KCNAB1: variants seen among roughly 807,000 people sequenced by gnomAD.
The protein encoded by KCNAB1 is potassium voltage-gated channel subfamily A regulatory beta subunit 1, also known as voltage-gated potassium channel subunit beta-1.
A neutral mutation model predicts 64.6 loss-of-function variants in KCNAB1; 35 were observed. That is an observed-to-expected ratio of 0.54 (90% confidence interval 0.41 to 0.72). The LOEUF (loss-of-function observed/expected upper bound fraction) is 0.72, where lower values mean the gene tolerates loss of function less well. Ranked by LOEUF, KCNAB1 falls within the 30% of genes least tolerant of loss-of-function variation. The pLI is 0.00. For synonymous variants in KCNAB1, 177 were observed against 183.8 expected (o/e 0.96, Z 0.30); for missense variants, 401 against 512.9 (o/e 0.78, Z 2.11).
Position 156,120,705 on chromosome 3 carries a change from G to C in KCNAB1, c.94G>C (p.Asp32His). 6.2e-7 allele frequency: 1 copy of C among 1,614,246 alleles called. No individual in the cohort carries two copies. Among genetic ancestry groups the C allele is most frequent in the East Asian group, 2.2e-5 (1 of 44,884 alleles). Reference protein sequence around the residue: ...RQSGFSVAGKDKSPKKASENA... With the variant: ...RQSGFSVAGKHKSPKKASENA... Reference sequence around the variant, plus strand: ...GTCTGGGTTTTCTGTAGCAGGGAAAGACAAATCTCCCAAGAAAGCCTCAGA... The same window carrying C: ...GTCTGGGTTTTCTGTAGCAGGGAAACACAAATCTCCCAAGAAAGCCTCAGA... Residue 32 changes from aspartate to histidine, a missense_variant, in exon 1 of 14, where the codon GAC (aspartate) becomes CAC (histidine). Asp to His is a moderately conservative substitution (Grantham distance 81). Transcript: ENST00000490337.
At chr3:156,221,779 C>T (rs944083660) in intron 1 of KCNAB1, among the ~76,000 whole-genome samples, 14 of 146,964 alleles carry the variant, frequency 9.5e-5, no homozygotes, top group Non-Finnish European at 1.7e-4. Flanking sequence ...ACTCCATCCC[C>T]CCCCGCCAAA....
intron 1 of KCNAB1, among the ~76,000 whole-genome samples, chr3:156,329,121 C>T (rs909268558): frequency 6.6e-6 from 1 of 152,096 alleles, no homozygotes; most frequent in Admixed American, 6.6e-5. Flanking sequence ...CTTGAGATCT[C>T]TAATATCTTC....
In KCNAB1 at chr3:156,452,658, G is replaced by A. The variant is rs1302691230; in HGVS notation, c.320-241G>A. Among the ~76,000 whole-genome samples the A allele has an allele frequency of 1.3e-5, 2 of 152,098 alleles. No homozygotes were observed. The highest frequency in any genetic ancestry group is 1.3e-4 in the Admixed American group (2 of 15,270). On this transcript the variant is annotated intron_variant, in intron 2 of 13. Transcript: ENST00000490337. The surrounding 1 kb of genome is among the most constrained non-coding windows in gnomAD (Gnocchi z 4.6). ...AGGGCTTCCAATAGTATGTACAGTG[G>A]CTTTCAGTAAAGAAACAGCAGCCCT...
At chr3:156,221,595 TG>T (rs1371564695) in intron 1 of KCNAB1, among the ~76,000 whole-genome samples, 1 of 152,022 alleles carries the variant, frequency 6.6e-6, no homozygotes, top group Non-Finnish European at 1.5e-5. Context: ...CTGGTCAACA[TG>T]GTGAAACCCT....
intron 1 of KCNAB1, among the ~76,000 whole-genome samples, chr3:156,323,163 C>T (rs1299208531): frequency 1.3e-5 from 2 of 152,064 alleles, no homozygotes; most frequent in Non-Finnish European, 2.9e-5. Flanking sequence ...AGATTGGGGG[C>T]TCACCTATGT....
At chr3:156,470,754 T>A (rs1713823864) in intron 7 of KCNAB1, among the ~76,000 whole-genome samples, 1 of 152,210 alleles carries the variant, frequency 6.6e-6, no homozygotes, top group South Asian at 2.1e-4. Flanking sequence ...AACTTTTTAA[T>A]TAATAACAAA....
chr3:156,238,607 A>C (rs959585973), intron 1 of KCNAB1, among the ~76,000 whole-genome samples: 1 of 152,190 alleles, frequency 6.6e-6, no homozygotes, highest in Non-Finnish European at 1.5e-5. Context: ...TTAGATTCAT[A>C]GCCTCTTTGT....
intron 1 of KCNAB1, among the ~76,000 whole-genome samples, chr3:156,253,583 T>C (rs369255575): frequency 6.6e-6 from 1 of 152,252 alleles, no homozygotes; most frequent in Admixed American, 6.5e-5. Flanking sequence ...ATACACCTAC[T>C]CTTTTCCTTG....
intron 1 of KCNAB1, among the ~76,000 whole-genome samples, chr3:156,137,570 A>G (rs1174752152): frequency 6.7e-6 from 1 of 149,518 alleles, no homozygotes; most frequent in Non-Finnish European, 1.5e-5. Context: ...TTTTTTTGAG[A>G]CAGAGTTTTG....
At position 156,139,443 on chromosome 3, in the gene KCNAB1, T is replaced by C. The variant is rs143159857; in HGVS notation, c.275+18557T>C. On this transcript the variant is annotated intron_variant, in intron 1 of 13. Transcript: ENST00000490337. ...TTGGCCCTCCGCTGGCACCACTGCCTGAACCTCCAGGTGTTCTCAGCCCTG... is the reference window on the plus strand; with the variant it reads ...TTGGCCCTCCGCTGGCACCACTGCCCGAACCTCCAGGTGTTCTCAGCCCTG... 4.4e-3 allele frequency among the ~76,000 whole-genome samples: 664 copies of C among 152,322 alleles called. 4 individuals are homozygous for C. Among genetic ancestry groups the C allele is most frequent in the African/African-American group, 0.015 (631 of 41,570 alleles).
intron 2 of KCNAB1, among the ~76,000 whole-genome samples, chr3:156,423,867 A>G (rs1347709635): frequency 1.3e-5 from 2 of 152,144 alleles, no homozygotes; most frequent in African/African-American, 4.8e-5. Context: ...GACTGTGAAA[A>G]CTGGATAGGA....
In KCNAB1 at chr3:156,389,708, C is replaced by T. The variant is rs148567759; in HGVS notation, c.276-31908C>T. On this transcript the variant is annotated intron_variant, in intron 1 of 13. Transcript: ENST00000490337. ...TGCCAAGGTTTGATAATTTGCATTT[C>T]GAACAGTTTTCTCAGATAATGCTGG... Among the ~76,000 whole-genome samples the T allele has an allele frequency of 5.3e-4, 81 of 152,306 alleles. 1 individual carries two copies. Among genetic ancestry groups the T allele is most frequent in the Non-Finnish European group, 9.6e-4 (65 of 68,032 alleles).
At chr3:156,320,108 A>G (rs1722556295) in intron 1 of KCNAB1, among the ~76,000 whole-genome samples, 1 of 152,194 alleles carries the variant, frequency 6.6e-6, no homozygotes, top group African/African-American at 2.4e-5. Flanking sequence ...TCCCCAGGCC[A>G]TCAGACAGTG....
intron 1 of KCNAB1, among the ~76,000 whole-genome samples, chr3:156,388,402 G>A (rs143460798): frequency 5.3e-5 from 8 of 152,242 alleles, no homozygotes; most frequent in East Asian, 1.9e-4. Flanking sequence ...AAAGAGTCTC[G>A]CAGAGCAAAA....
chr3:156,345,102 G>A (rs1724400756), intron 1 of KCNAB1, among the ~76,000 whole-genome samples: 1 of 152,218 alleles, frequency 6.6e-6, no homozygotes, highest in Non-Finnish European at 1.5e-5. Context: ...CAGTGGATCA[G>A]ATTCAAGAGG....
At chr3:156,190,286 G>A (rs68188495) in intron 1 of KCNAB1, among the ~76,000 whole-genome samples, 20,149 of 152,094 alleles carry the variant, frequency 0.13, 1,468 homozygotes, top group Non-Finnish European at 0.15. Flanking sequence ...TTTCCTTACC[G>A]CTAGGACCAG....
At chr3:156,495,864 G>T (rs1715976091) in intron 8 of KCNAB1, among the ~76,000 whole-genome samples, 1 of 152,094 alleles carries the variant, frequency 6.6e-6, no homozygotes, top group Non-Finnish European at 1.5e-5. Flanking sequence ...TAATGTAAGG[G>T]AGCATCTCAA....
chr3:156,207,125 C>A (rs1714714312), intron 1 of KCNAB1, among the ~76,000 whole-genome samples: 1 of 152,214 alleles, frequency 6.6e-6, no homozygotes, highest in African/African-American at 2.4e-5. Flanking sequence ...CCCTGCTCTG[C>A]AACCCAGAAG....
chr3:156,255,439 G>T (rs1718047336), intron 1 of KCNAB1, among the ~76,000 whole-genome samples: 1 of 152,094 alleles, frequency 6.6e-6, no homozygotes, highest in South Asian at 2.1e-4. Flanking sequence ...ACCAGATGTG[G>T]CCCCAGTCAG....
Sources: gnomAD v4.1 joint callset for allele counts (sites outside exome capture counted in the v4.1 genomes callset) on GRCh38, gnomAD v4.1.1 for gene constraint, Gnocchi (gnomAD v3.1) non-coding constraint, MANE v1.5 for transcripts, NCBI Gene and HGNC (gene_info 2026-07-23, HGNC 2026-07-21) for gene names.